Variants in SLC1A6 observed in about 807,000 individuals in gnomAD.
SLC1A6 encodes the protein solute carrier family 1 member 6.
SLC1A6 carries 15 observed loss-of-function variants against 42.1 expected under a neutral mutation model. The observed-to-expected ratio is 0.36, with a 90% CI of 0.24 to 0.55. The LOEUF is 0.55. Among genes scored for constraint, SLC1A6 ranks in the 20% least tolerant of loss-of-function variants. The probability of loss-of-function intolerance (pLI) is 0.88; values close to 1 mark genes in which losing one functional copy is unlikely to be tolerated. For missense variants in SLC1A6, 542 were observed against 772.5 expected, an observed-to-expected ratio of 0.70 and a Z score of 3.54; for synonymous variants, 317 against 319.7, an observed-to-expected ratio of 0.99 and a Z score of 0.09.
chr19:14,960,121 T>TGGAAGGAA (rs112285844), intron 6 of SLC1A6, among the ~76,000 whole-genome samples: 123 of 150,978 alleles, frequency 8.1e-4, no homozygotes, highest in East Asian at 4.1e-3. Flanking sequence ...GAAGGAATGA[T>TGGAAGGAA]GGAAGGAAGG....
At chr19:14,991,362 T>C (rs55710325) in intron 1 of SLC1A6, among the ~76,000 whole-genome samples, 5,712 of 152,226 alleles carry the variant, frequency 0.038, 238 homozygotes, top group East Asian at 0.22. Flanking sequence ...CGGTGGCTCA[T>C]ACCTGTAATC....
In SLC1A6 at chr19:15,004,444, A is replaced by G. The variant is rs540091820; in HGVS notation, c.6+6041T>C. On this transcript the variant is annotated intron_variant, in intron 1 of 8. Transcript: ENST00000430939. ...AGGCTGGCCATGGTGGCTTGTGGCCATAATCCCAGCACTTTGAGAGGGTGA... is the reference window on the plus strand; with the variant it reads ...AGGCTGGCCATGGTGGCTTGTGGCCGTAATCCCAGCACTTTGAGAGGGTGA... 2.7e-5 allele frequency among the ~76,000 whole-genome samples: 4 copies of G among 150,768 alleles called. No homozygotes were observed. The East Asian group carries it at 7.9e-4, about 30-fold the overall frequency.
intron 1 of SLC1A6, among the ~76,000 whole-genome samples, chr19:14,991,153 T>A (rs2045817976): frequency 6.6e-6 from 1 of 152,166 alleles, no homozygotes; most frequent in South Asian, 2.1e-4. Context: ...ATATGAAATG[T>A]CCAGAATAGG....
rs2045790282 is a variant in SLC1A6 at position 14,985,906 on chromosome 19, C to T, written c.7-12989G>A. ...CCAGGAGGTGGAGGTTGCAGTGAGC[C>T]GAGATCACACCACTGCACTCCAGCC... On this transcript the variant is annotated intron_variant, in intron 1 of 8. Coordinates refer to the SLC1A6 transcript ENST00000430939. Among the ~76,000 whole-genome samples the T allele has an allele frequency of 1.3e-5, 2 of 151,640 alleles. 1 individual carries two copies.
chr19:14,977,008 G>A (rs1361126657), intron 1 of SLC1A6: 1 of 142,394 alleles, frequency 7.0e-6, no homozygotes, highest in African/African-American at 2.6e-5. Context: ...CCCATCTCCT[G>A]AAACCACAAT....
chr19:15,001,205 A>T (rs1390472424), intron 1 of SLC1A6, among the ~76,000 whole-genome samples: 2 of 152,082 alleles, frequency 1.3e-5, no homozygotes, highest in Non-Finnish European at 2.9e-5. Flanking sequence ...AATAACTAAG[A>T]CAAATGAGAT....
At chr19:14,958,616 G>A (rs1369957364) in intron 6 of SLC1A6, among the ~76,000 whole-genome samples, 1 of 151,962 alleles carries the variant, frequency 6.6e-6, no homozygotes, top group Non-Finnish European at 1.5e-5. Context: ...AAGTCAACAT[G>A]ACTAGATCCA....
Position 14,971,841 on chromosome 19 carries a change from T to C in SLC1A6, c.239A>G (p.Gln80Arg). Reference protein sequence around the residue: ...VSLAFALRPYQLTYRQIKYFS... With the variant: ...VSLAFALRPYRLTYRQIKYFS... ...GTACTTGATCTGGCGGTAGGTGAGCTGATATGGGCGCAGGGCAAAGGCCAG... is the reference window on the plus strand; with the variant it reads ...GTACTTGATCTGGCGGTAGGTGAGCCGATATGGGCGCAGGGCAAAGGCCAG... Residue 80 changes from glutamine to arginine, a missense_variant, in exon 3 of 10, where the codon CAG (glutamine) becomes CGG (arginine). Coordinates refer to ENST00000594383, the MANE Select transcript of SLC1A6 (RefSeq NM_005071.3). 1 of 1,614,132 alleles carries C rather than the reference T, an allele frequency of 6.2e-7. No homozygotes were observed. The highest frequency in any genetic ancestry group is 8.5e-7 in the Non-Finnish European group (1 of 1,180,030).
At chr19:14,969,440 T>A (rs62113279) in intron 3 of SLC1A6, among the ~76,000 whole-genome samples, 59,301 of 152,078 alleles carry the variant, frequency 0.39, 11,980 homozygotes, top group East Asian at 0.6. Context: ...CCAACTCCTT[T>A]GATTCAGGTG....
intron 1 of SLC1A6, among the ~76,000 whole-genome samples, chr19:15,003,268 G>A (rs1003379529): frequency 5.5e-4 from 84 of 152,176 alleles, no homozygotes; most frequent in African/African-American, 1.9e-3. Flanking sequence ...ATAAGCCACC[G>A]TGCCTGGCCT....
chr19:14,987,211 G>A (rs948361656), intron 1 of SLC1A6, among the ~76,000 whole-genome samples: 4 of 152,088 alleles, frequency 2.6e-5, no homozygotes, highest in African/African-American at 9.7e-5. Flanking sequence ...GCTCACACCT[G>A]TAATCCCAGC....
At chr19:14,968,208 C>A in intron 4 of SLC1A6, 95 bp downstream of exon 4, 1 of 1,044,718 alleles carries the variant, frequency 9.6e-7, no homozygotes, top group Non-Finnish European at 1.4e-6. Context: ...TGCTTCCCAG[C>A]CTGTGGGATG....
At position 14,950,297 on chromosome 19, in the gene SLC1A6, T is replaced by C; in HGVS notation, c.1593A>G (p.Glu531=). The change falls in exon 10 of 10, where the codon GAA becomes GAG. Residue 531 remains glutamate, a synonymous_variant. Coordinates refer to ENST00000594383, the MANE Select transcript of SLC1A6 (RefSeq NM_005071.3). ...CCAGGCTGGGGAGGGTAAGCTCAGC[T>C]TCCTGAAGCTCCAGCTCCCGCTGAG... is the stretch of plus-strand genomic sequence containing the variant. The part of the protein sequence containing the change: ...HLSQRELELQ[E]AELTLPSLGK... 6.2e-7 allele frequency: 1 copy of C among 1,612,252 alleles called. No individual in the cohort carries two copies. The highest frequency in any genetic ancestry group is 8.5e-7 in the Non-Finnish European group (1 of 1,179,016).
upstream of SLC1A6, among the ~76,000 whole-genome samples, chr19:14,984,481 G>A (rs1378057085): frequency 6.6e-6 from 1 of 152,224 alleles, no homozygotes; most frequent in Non-Finnish European, 1.5e-5. Context: ...TACACAGACA[G>A]GCAGTTGAAA....
chr19:15,008,858 T>C (rs75648718), intron 1 of SLC1A6, among the ~76,000 whole-genome samples: 1 of 142,316 alleles, frequency 7.0e-6, no homozygotes, highest in Non-Finnish European at 1.5e-5. Flanking sequence ...TTTTTTTTTT[T>C]ACAGGCAGGC....
At chr19:14,953,619 T>G (rs953716304) in intron 8 of SLC1A6, among the ~76,000 whole-genome samples, 1 of 152,024 alleles carries the variant, frequency 6.6e-6, no homozygotes, top group African/African-American at 2.4e-5. Context: ...TCATACTATA[T>G]GGAGATAGTA....
chr19:15,009,794 G>T (rs2045915825), intron 1 of SLC1A6, among the ~76,000 whole-genome samples: 1 of 152,084 alleles, frequency 6.6e-6, no homozygotes. Flanking sequence ...TTCTTCTAGG[G>T]CAGGTGAGAG....
chr19:14,968,307 T>C lies in SLC1A6; in HGVS notation c.544A>G (p.Ile182Val). Residue 182 changes from isoleucine to valine, a missense_variant, in exon 4 of 10, where the codon ATC becomes GTC. By Grantham distance (29) the Ile-to-Val change is conservative. Coordinates refer to ENST00000594383, the MANE Select transcript of SLC1A6 (RefSeq NM_005071.3). ...IPTADAFMDL[I>V]RNMFPPNLVE... ...TGGTTTTTTAGGTTGGCACACCTGA[T>C]CAGGTCCATGAAGGCATCAGCTGTG... The C allele has an allele frequency of 6.2e-7, 1 of 1,611,856 alleles. No homozygotes were observed. Among genetic ancestry groups the C allele is most frequent in the Non-Finnish European group, 8.5e-7 (1 of 1,178,748 alleles).
At chr19:14,971,896 C>A in intron 2 of SLC1A6, 22 bp from the exon 3 acceptor site, 1 of 1,613,234 alleles carries the variant, frequency 6.2e-7, no homozygotes, top group South Asian at 1.1e-5. Flanking sequence ...AGAAGGGGTC[C>A]ATGGACTGAA....
Sources: gnomAD v4.1 joint callset for allele counts (sites outside exome capture counted in the v4.1 genomes callset) on GRCh38, gnomAD v4.1.1 for gene constraint, MANE v1.5 for transcripts, NCBI Gene and HGNC (gene_info 2026-07-23, HGNC 2026-07-21) for gene names.